The following ADGRV1 variants were observed in gnomAD, a reference collection of about 807,000 sequenced individuals.
The protein encoded by ADGRV1 is G-protein coupled receptor 98.
ADGRV1 carries 359 observed loss-of-function variants against 596.2 expected under a neutral mutation model. That is an observed-to-expected ratio of 0.60 (90% confidence interval 0.55 to 0.66). The LOEUF (loss-of-function observed/expected upper bound fraction) is 0.66. ADGRV1 is among the 30% of genes least tolerant of loss of function. The pLI, the probability that ADGRV1 is intolerant of heterozygous loss-of-function variation, is 0.00. For synonymous variants in ADGRV1, 2,681 were observed against 2,679.2 expected, an observed-to-expected ratio of 1.00 and a Z score of -0.02; for missense variants, 7,274 against 7,575.6, an observed-to-expected ratio of 0.96 and a Z score of 1.48.
At chr5:90,677,924 C>T (rs1485026353) in intron 25 of ADGRV1, among the ~76,000 whole-genome samples, 1 of 152,158 alleles carries the variant, frequency 6.6e-6, no homozygotes, top group African/African-American at 2.4e-5. Flanking sequence ...GAGTCAAGGA[C>T]TTATTTCATG....
chr5:90,573,836 A>ATG (rs368862713), intron 1 of ADGRV1, among the ~76,000 whole-genome samples: 3 of 152,050 alleles, frequency 2.0e-5, no homozygotes, highest in Admixed American at 6.6e-5. Flanking sequence ...TTGTTCATTC[A>ATG]TGTGTGTGTG....
At chr5:90,788,863 G>GACACACACAC (rs70973708) in intron 68 of ADGRV1, among the ~76,000 whole-genome samples, 3 of 147,032 alleles carry the variant, frequency 2.0e-5, no homozygotes, top group African/African-American at 7.5e-5. Context: ...CACAGACACA[G>GACACACACAC]ACACACACAC....
chr5:91,124,357 A>C (rs1793572524), intron 87 of ADGRV1, among the ~76,000 whole-genome samples: 1 of 152,174 alleles, frequency 6.6e-6, no homozygotes, highest in Non-Finnish European at 1.5e-5. Context: ...CACAAAATAA[A>C]ATTTTTAAAT....
intron 85 of ADGRV1, among the ~76,000 whole-genome samples, chr5:91,021,605 C>G (rs938570875): frequency 2.6e-5 from 4 of 152,062 alleles, no homozygotes; most frequent in Non-Finnish European, 5.9e-5. Context: ...ATAGTCCTGT[C>G]CCATCTCATC....
intron 87 of ADGRV1, among the ~76,000 whole-genome samples, chr5:91,132,278 G>A (rs1475691921): frequency 1.3e-5 from 2 of 151,954 alleles, no homozygotes; most frequent in Non-Finnish European, 2.9e-5. Flanking sequence ...AAATCAATGT[G>A]GCTTTAATTA....
At chr5:90,677,247 A>G (rs1744354976) in intron 25 of ADGRV1, among the ~76,000 whole-genome samples, 1 of 152,208 alleles carries the variant, frequency 6.6e-6, no homozygotes, top group African/African-American at 2.4e-5. Flanking sequence ...TATGTATAAA[A>G]TAGATAATTT....
chr5:91,043,894 T>C (rs1290341316), intron 85 of ADGRV1, among the ~76,000 whole-genome samples: 1 of 151,940 alleles, frequency 6.6e-6, no homozygotes, highest in Non-Finnish European at 1.5e-5. Flanking sequence ...TTTAAAACCT[T>C]GACCACCATC....
intron 73 of ADGRV1, among the ~76,000 whole-genome samples, chr5:90,809,413 T>C (rs558979177): frequency 1.3e-5 from 2 of 152,154 alleles, no homozygotes; most frequent in East Asian, 1.9e-4. Context: ...AAGTCATAGA[T>C]AGATTATGCG....
chr5:90,639,850 T>C (rs1396761029), intron 11 of ADGRV1, among the ~76,000 whole-genome samples: 1 of 152,152 alleles, frequency 6.6e-6, no homozygotes, highest in Non-Finnish European at 1.5e-5. Flanking sequence ...AAATGAATGA[T>C]AGCAAGCATG....
At chr5:90,966,880 A>G (rs975586017) in intron 84 of ADGRV1, among the ~76,000 whole-genome samples, 1 of 152,174 alleles carries the variant, frequency 6.6e-6, no homozygotes, top group African/African-American at 2.4e-5. Context: ...TTTTCATGTG[A>G]TACTGTTTCA....
chr5:91,146,868 A>G (rs1397488688), intron 87 of ADGRV1, among the ~76,000 whole-genome samples: 3 of 152,216 alleles, frequency 2.0e-5, no homozygotes, highest in Non-Finnish European at 4.4e-5. Context: ...TTTTACCAAG[A>G]AAAGAATTTG....
intron 83 of ADGRV1, among the ~76,000 whole-genome samples, chr5:90,887,688 T>G (rs1770437903): frequency 6.6e-6 from 1 of 152,148 alleles, no homozygotes; most frequent in Admixed American, 6.5e-5. Flanking sequence ...GGTGAGATTT[T>G]ATAATAAAAA....
intron 84 of ADGRV1, among the ~76,000 whole-genome samples, chr5:90,976,318 G>GTATATATATATATATATA (rs1465709028): frequency 1.7e-5 from 2 of 120,802 alleles, no homozygotes; most frequent in African/African-American, 6.8e-5. Context: ...GTGTGTGTGT[G>GTATATATATATATATATA]TGTGTATATA....
intron 83 of ADGRV1, among the ~76,000 whole-genome samples, chr5:90,955,551 GGAAT>G (rs1199200044): frequency 1.3e-5 from 2 of 152,068 alleles, no homozygotes; most frequent in African/African-American, 4.8e-5. Context: ...ATTTGTTGAT[GGAAT>G]GAATGAATGA....
rs934178727 is a variant in ADGRV1, at chr5:90,781,475, A to G, written c.13128A>G (p.Gln4376=). The G allele has an allele frequency of 1.9e-6, 3 of 1,609,462 alleles. No individual in the cohort carries two copies. The highest frequency in any genetic ancestry group is 1.1e-5 in the South Asian group (1 of 90,462). The change falls in exon 65 of 90, where the codon CAA becomes CAG. Residue 4376 remains glutamine, a synonymous_variant. Transcript: ENST00000405460. ...AAGAAAATGGACTTCAGATAGATCA[A>G]CCTCCTGAAATAGGAAACATCTCCA... ...TIQENGLQID[Q]PPEIGNISIV...
chr5:90,925,675 A>G (rs60902211), intron 83 of ADGRV1, among the ~76,000 whole-genome samples: 56,050 of 141,590 alleles, frequency 0.4, 12,168 homozygotes, highest in East Asian at 0.81. Context: ...TATGTTGAAT[A>G]GGAGTGGTGA....
Position 90,689,891 on chromosome 5 carries a change from T to C in ADGRV1, c.6521T>C (p.Val2174Ala), listed in dbSNP as rs368228246. ...GEDYSIASSDVVLLEGETSKA... is the reference protein window; with the variant it reads ...GEDYSIASSDAVLLEGETSKA... The stretch of plus-strand genomic sequence containing the variant: ...GATTATAGTATAGCTTCATCAGATG[T>C]GGTCTTGCTAGAAGGGGAAACCAGT... The change falls in exon 30 of 90, where the codon GTG (valine) becomes GCG (alanine). Residue 2174 changes from valine to alanine, a missense_variant. This residue lies in a region of ADGRV1 where 3,643 missense variants were observed against 3,809.2 expected (regional missense o/e 0.96). Coordinates refer to ENST00000405460, the MANE Select transcript of ADGRV1 (RefSeq NM_032119.4). The C allele has an allele frequency of 7.4e-6, 12 of 1,613,068 alleles. No individual in the cohort carries two copies. In the African/African-American group the frequency reaches 1.5e-4, roughly 20 times the overall value.
intron 83 of ADGRV1, among the ~76,000 whole-genome samples, chr5:90,870,278 T>A (rs1259899710): frequency 1.3e-5 from 2 of 152,166 alleles, no homozygotes; most frequent in Non-Finnish European, 2.9e-5. Flanking sequence ...TTATTTACTC[T>A]TATAACAACC....
rs1449814621 is a variant in ADGRV1, at chr5:90,811,265, T to A, written c.16005T>A (p.Pro5335=). 1 of 1,612,602 alleles carries A rather than the reference T, an allele frequency of 6.2e-7. No individual in the cohort carries two copies. Among genetic ancestry groups the A allele is most frequent in the Non-Finnish European group, 8.5e-7 (1 of 1,179,298 alleles). Residue 5335 remains proline (P), a synonymous_variant, in exon 74 of 90, where the codon CCT becomes CCA. Coordinates refer to ENST00000405460, the MANE Select transcript of ADGRV1 (RefSeq NM_032119.4). ...QEFFYVFLTN[P]QGGAQIVEEK... is the part of the protein sequence containing the mutation. ...TCTTCTACGTGTTTCTCACAAACCC[T>A]CAAGGGGGAGCACAGATTGTGGAGG...
Sources: gnomAD v4.1 joint callset for allele counts (sites outside exome capture counted in the v4.1 genomes callset) on GRCh38, gnomAD v4.1.1 for gene constraint, gnomAD v4.1.1 regional missense constraint, MANE v1.5 for transcripts, NCBI Gene and HGNC (gene_info 2026-07-23, HGNC 2026-07-21) for gene names.